OLA1: variants seen among roughly 807,000 people sequenced by gnomAD.
OLA1 encodes obg-like ATPase 1.
In OLA1, 14 loss-of-function variants were observed where a neutral mutation model predicts 48.4. That is an observed-to-expected ratio of 0.29 (90% CI 0.19 to 0.45). The LOEUF (loss-of-function observed/expected upper bound fraction) is 0.45, where lower values mean the gene tolerates loss of function less well. Among genes scored for constraint, OLA1 ranks in the 20% least tolerant of loss-of-function variants. The pLI is 1.00. For synonymous variants in OLA1, 127 were observed against 150.4 expected (o/e 0.84, Z 1.14); for missense variants, 325 against 467.1 (o/e 0.70, Z 2.80).
intron 4 of OLA1, among the ~76,000 whole-genome samples, chr2:174,191,123 A>C (rs1047747166): frequency 6.6e-6 from 1 of 152,032 alleles, no homozygotes; most frequent in Admixed American, 6.6e-5. Flanking sequence ...TGTTCCCCCA[A>C]CCAAAAAAAT....
chr2:174,220,249 C>A (rs187774327), intron 4 of OLA1, among the ~76,000 whole-genome samples: 68 of 152,310 alleles, frequency 4.5e-4, no homozygotes, highest in Admixed American at 8.5e-4. Context: ...TCCTACTCCT[C>A]ATCATTCATT....
chr2:174,226,063 G>A (rs575818952), intron 3 of OLA1, among the ~76,000 whole-genome samples: 1 of 102,364 alleles, frequency 9.8e-6, no homozygotes, highest in African/African-American at 3.4e-5. Flanking sequence ...GCCGGGCGTA[G>A]TGGCGGGCGC....
At chr2:174,142,667 A>T (rs531398891) in intron 4 of OLA1, among the ~76,000 whole-genome samples, 1 of 152,320 alleles carries the variant, frequency 6.6e-6, no homozygotes, top group Admixed American at 6.5e-5. Flanking sequence ...TTGAAGCCAT[A>T]ATTTCAAATT....
At chr2:174,212,836 C>T (rs1688274888) in intron 4 of OLA1, among the ~76,000 whole-genome samples, 2 of 152,216 alleles carry the variant, frequency 1.3e-5, no homozygotes, top group South Asian at 4.1e-4. Context: ...GGGGCAATAA[C>T]ACCCATGGAG....
chr2:174,122,059 C>T (rs759010640), intron 7 of OLA1, among the ~76,000 whole-genome samples: 75 of 152,138 alleles, frequency 4.9e-4, no homozygotes, highest in Non-Finnish European at 8.1e-4. Flanking sequence ...ATTTGAAAGG[C>T]GACAGAACTG....
At chr2:174,161,895 G>A (rs1377216537) in intron 4 of OLA1, among the ~76,000 whole-genome samples, 6 of 152,088 alleles carry the variant, frequency 3.9e-5, no homozygotes, top group Non-Finnish European at 8.8e-5. Flanking sequence ...TGTAAAAAGC[G>A]TATTTTAGGT....
intron 4 of OLA1, among the ~76,000 whole-genome samples, chr2:174,144,994 T>A (rs1686560173): frequency 8.0e-6 from 1 of 124,260 alleles, no homozygotes; most frequent in Non-Finnish European, 1.6e-5. Context: ...TCACGGAATA[T>A]ATATATTCCG....
chr2:174,169,672 G>A (rs747645774), intron 4 of OLA1, among the ~76,000 whole-genome samples: 4 of 152,164 alleles, frequency 2.6e-5, no homozygotes, highest in East Asian at 1.9e-4. Flanking sequence ...GCTATAGAAC[G>A]GTCTTCAAAG....
chr2:174,087,434 A>G (rs1211922739), intron 7 of OLA1, among the ~76,000 whole-genome samples: 1 of 147,892 alleles, frequency 6.8e-6, no homozygotes, highest in Non-Finnish European at 1.5e-5. Context: ...AGCTTCCTGT[A>G]TTGGCCCAGT....
intron 4 of OLA1, among the ~76,000 whole-genome samples, chr2:174,187,663 T>G (rs995492906): frequency 6.6e-6 from 1 of 152,256 alleles, no homozygotes; most frequent in Non-Finnish European, 1.5e-5. Context: ...TGCCATGTAC[T>G]TTCCTCCGAT....
intron 7 of OLA1, among the ~76,000 whole-genome samples, chr2:174,082,838 TA>T (rs1250113972): frequency 6.6e-6 from 1 of 152,116 alleles, no homozygotes; most frequent in Admixed American, 6.6e-5. Flanking sequence ...GGCAAAGTAG[TA>T]ATTAGAACAT....
At chr2:174,205,708 A>C (rs1452762008) in intron 4 of OLA1, among the ~76,000 whole-genome samples, 2 of 152,230 alleles carry the variant, frequency 1.3e-5, no homozygotes, top group African/African-American at 4.8e-5. Context: ...CCTGCCACAG[A>C]GTGAGCAAGG....
intron 4 of OLA1, among the ~76,000 whole-genome samples, chr2:174,167,190 C>G (rs1297955959): frequency 1.3e-5 from 2 of 151,956 alleles, no homozygotes; most frequent in African/African-American, 4.8e-5. Flanking sequence ...CACTATCATA[C>G]TGGACTGAAT....
At chr2:174,236,509 A>G (rs537073918) in intron 2 of OLA1, among the ~76,000 whole-genome samples, 3 of 152,210 alleles carry the variant, frequency 2.0e-5, no homozygotes, top group Non-Finnish European at 4.4e-5. Flanking sequence ...AAAAGACTGG[A>G]GAAAGAAATA....
At chr2:174,231,936 T>C (rs1049784001) in intron 2 of OLA1, among the ~76,000 whole-genome samples, 6 of 152,330 alleles carry the variant, frequency 3.9e-5, no homozygotes, top group African/African-American at 7.2e-5. Context: ...TTAAAGCCCA[T>C]ATGCTTTTTG....
chr2:174,110,091 A>ATTTTTTTTTTTT (rs199583094), intron 7 of OLA1, among the ~76,000 whole-genome samples: 1 of 111,018 alleles, frequency 9.0e-6, no homozygotes, highest in African/African-American at 3.5e-5. Flanking sequence ...TTTGCTAAGG[A>ATTTTTTTTTTTT]TTTTTTTTTT....
intron 4 of OLA1, among the ~76,000 whole-genome samples, chr2:174,211,890 AC>A (rs1477166597): frequency 6.6e-6 from 1 of 152,190 alleles, no homozygotes; most frequent in East Asian, 1.9e-4. Context: ...AATTGATTTC[AC>A]CTGTTTCTTT....
At chr2:174,141,789 C>A in intron 5 of OLA1, 36 bp downstream of exon 5, 2 of 1,484,164 alleles carry the variant, frequency 1.3e-6, no homozygotes, top group Non-Finnish European at 1.8e-6. Context: ...AAAATAAACT[C>A]TTGAGTATCT....
chr2:174,222,188 T>C (rs910029504), intron 4 of OLA1, among the ~76,000 whole-genome samples: 1 of 152,154 alleles, frequency 6.6e-6, no homozygotes, highest in Non-Finnish European at 1.5e-5. Context: ...CAGAGGTAAA[T>C]GGTGTTTTAT....
Sources: allele counts gnomAD v4.1 joint callset (sites outside exome capture counted in the v4.1 genomes callset), GRCh38; gene constraint gnomAD v4.1.1; transcripts MANE v1.5; gene names NCBI Gene and HGNC (gene_info 2026-07-23, HGNC 2026-07-21).